The following DOCK4 variants were observed in gnomAD, a reference collection of about 807,000 sequenced individuals.
DOCK4 encodes the protein dedicator of cytokinesis 4, also known as dedicator of cytokinesis protein 4.
DOCK4 carries 97 observed loss-of-function variants against 268.1 expected under a neutral mutation model. The ratio of observed to expected loss-of-function variants is 0.36; its 90% CI spans 0.31 to 0.43. The LOEUF (loss-of-function observed/expected upper bound fraction) is 0.43, where lower values mean the gene tolerates loss of function less well. DOCK4 is among the 20% of genes least tolerant of loss of function. DOCK4 has a pLI of 1.00. For synonymous variants in DOCK4, 954 were observed against 887.2 expected (o/e 1.08, Z -1.34); for missense variants, 2,145 against 2,455.7 (o/e 0.87, Z 2.67).
intron 1 of DOCK4, among the ~76,000 whole-genome samples, chr7:112,072,290 G>A (rs1477613207): frequency 6.6e-6 from 1 of 152,064 alleles, no homozygotes; most frequent in Non-Finnish European, 1.5e-5. Context: ...ACAACAAGAA[G>A]TTAGTAAACA....
chr7:112,108,352 A>G (rs1012260737), intron 1 of DOCK4, among the ~76,000 whole-genome samples: 4 of 152,228 alleles, frequency 2.6e-5, no homozygotes, highest in Non-Finnish European at 5.9e-5. Flanking sequence ...TAGGAACTGA[A>G]TAAAAAGTGA....
chr7:112,012,931 C>T (rs1050717885), intron 1 of DOCK4, among the ~76,000 whole-genome samples: 2 of 152,026 alleles, frequency 1.3e-5, no homozygotes, highest in South Asian at 4.1e-4. Context: ...ATCACTGCCA[C>T]CTCCACCTCG....
At chr7:111,947,116 G>C (rs1427830640) in intron 8 of DOCK4, among the ~76,000 whole-genome samples, 1 of 152,188 alleles carries the variant, frequency 6.6e-6, no homozygotes, top group Non-Finnish European at 1.5e-5. Context: ...TGTAGCTTCA[G>C]TCTAGGGAAC....
chr7:112,018,179 A>AAAAAAAAAAAAAAAAAACAAC lies in DOCK4; in HGVS notation c.38-14049_38-14048insGTTGTTTTTTTTTTTTTTTTT. 1.7e-4 allele frequency among the ~76,000 whole-genome samples: 12 copies of AAAAAAAAAAAAAAAAAACAAC among 72,630 alleles called. 2 individuals are homozygous for AAAAAAAAAAAAAAAAAACAAC. Among genetic ancestry groups the AAAAAAAAAAAAAAAAAACAAC allele is most frequent in the East Asian group, 1.2e-3 (3 of 2,480 alleles). The allele number at this position is 72,630 out of a possible 152,430, so 47.6% of individuals were successfully genotyped here. On this transcript the variant is annotated intron_variant, in intron 1 of 52. Coordinates refer to ENST00000428084, the MANE Select transcript of DOCK4 (RefSeq NM_001363540.2). ...AAAAAAAAAAAAAAAAAAAAAAAAA[A>AAAAAAAAAAAAAAAAAACAAC]ACACAGGCAACCAGTATTCATGTGG...
At chr7:111,936,316 C>T (rs1794731669) in intron 11 of DOCK4, among the ~76,000 whole-genome samples, 1 of 152,222 alleles carries the variant, frequency 6.6e-6, no homozygotes, top group Admixed American at 6.5e-5. Context: ...ATCTGTACCT[C>T]TTTCTCTTAG....
intron 14 of DOCK4, among the ~76,000 whole-genome samples, chr7:111,900,933 G>T (rs1361507529): frequency 1.3e-5 from 2 of 152,046 alleles, no homozygotes; most frequent in Non-Finnish European, 2.9e-5. Flanking sequence ...ATGAAGAAGG[G>T]GCTCATGAAA....
chr7:112,066,051 C>A (rs1310040381), intron 1 of DOCK4, among the ~76,000 whole-genome samples: 1 of 152,090 alleles, frequency 6.6e-6, no homozygotes, highest in Non-Finnish European at 1.5e-5. Context: ...GTCGTGATGG[C>A]TAATTTTAGG....
chr7:111,975,890 G>A (rs1056215816), intron 8 of DOCK4, among the ~76,000 whole-genome samples: 8 of 151,502 alleles, frequency 5.3e-5, no homozygotes, highest in Non-Finnish European at 7.4e-5. Context: ...TAGGCCAGGC[G>A]CAGTGACTCA....
intron 12 of DOCK4, among the ~76,000 whole-genome samples, chr7:111,922,754 T>C (rs182908831): frequency 9.2e-5 from 14 of 152,116 alleles, no homozygotes; most frequent in South Asian, 2.1e-4. Flanking sequence ...GCTAATTTTT[T>C]ATACTTTTAG....
At chr7:112,016,947 G>C (rs1222764889) in intron 1 of DOCK4, among the ~76,000 whole-genome samples, 5 of 152,106 alleles carry the variant, frequency 3.3e-5, no homozygotes, top group Non-Finnish European at 5.9e-5. Context: ...GATTGCTTTT[G>C]AGCGATTTCA....
intron 1 of DOCK4, among the ~76,000 whole-genome samples, chr7:112,110,280 T>A (rs1045687603): frequency 6.6e-6 from 1 of 152,212 alleles, no homozygotes; most frequent in African/African-American, 2.4e-5. Context: ...CAATTTTGAT[T>A]AAAAGTCCAA....
chr7:111,862,378 T>G (rs915249319), intron 23 of DOCK4, among the ~76,000 whole-genome samples: 1 of 150,024 alleles, frequency 6.7e-6, no homozygotes. Context: ...CTTAAATGTA[T>G]GTATAAAATA....
intron 23 of DOCK4, among the ~76,000 whole-genome samples, chr7:111,852,005 C>A (rs560714151): frequency 1.1e-3 from 154 of 136,994 alleles, no homozygotes; most frequent in Non-Finnish European, 1.8e-3. Context: ...ACTCTGTCAT[C>A]CAGGCTGGAG....
intron 30 of DOCK4, among the ~76,000 whole-genome samples, chr7:111,807,745 G>A (rs1349066726): frequency 6.6e-6 from 1 of 151,808 alleles, no homozygotes; most frequent in Non-Finnish European, 1.5e-5. Context: ...CAAAGTGCTG[G>A]GATTACAGGC....
intron 8 of DOCK4, among the ~76,000 whole-genome samples, chr7:111,961,634 CT>C (rs1393475901): frequency 2.6e-5 from 4 of 152,196 alleles, no homozygotes; most frequent in Admixed American, 2.6e-4. Flanking sequence ...CTTCTAAAAG[CT>C]GCCTATTTTA....
At chr7:111,939,544 G>A (rs370883526) in intron 11 of DOCK4, among the ~76,000 whole-genome samples, 5 of 151,356 alleles carry the variant, frequency 3.3e-5, no homozygotes, top group African/African-American at 1.2e-4. Flanking sequence ...ATTTACTTAT[G>A]CCTAGTGTTC....
At chr7:111,913,460 A>G (rs1368794062) in intron 13 of DOCK4, among the ~76,000 whole-genome samples, 4 of 142,136 alleles carry the variant, frequency 2.8e-5, no homozygotes, top group South Asian at 2.3e-4. Flanking sequence ...CCCAGGCTGG[A>G]GTGCAGTGGC....
intron 1 of DOCK4, among the ~76,000 whole-genome samples, chr7:112,138,297 T>A (rs73715477): frequency 0.01 from 1,567 of 152,314 alleles, 15 homozygotes; most frequent in African/African-American, 0.035. Flanking sequence ...GTACTTACTA[T>A]TTTGTCACAC....
At chr7:111,948,341 A>G (rs781681946) in intron 8 of DOCK4, among the ~76,000 whole-genome samples, 2 of 152,180 alleles carry the variant, frequency 1.3e-5, no homozygotes, top group Non-Finnish European at 2.9e-5. Flanking sequence ...CTAGCACTCC[A>G]TTAGAATGCT....
Sources: allele counts gnomAD v4.1 joint callset (sites outside exome capture counted in the v4.1 genomes callset), GRCh38; gene constraint gnomAD v4.1.1; transcripts MANE v1.5; gene names NCBI Gene and HGNC (gene_info 2026-07-23, HGNC 2026-07-21).